The following NAALADL2 variants were observed in gnomAD, a reference collection of about 807,000 sequenced individuals.
The protein encoded by NAALADL2 is N-acetylated alpha-linked acidic dipeptidase like 2, also known as inactive N-acetylated-alpha-linked acidic dipeptidase-like protein 2.
NAALADL2 carries 76 observed loss-of-function variants against 87.2 expected under a neutral mutation model. That is an observed-to-expected ratio of 0.87 (90% confidence interval 0.72 to 1.05). The LOEUF (loss-of-function observed/expected upper bound fraction) is 1.05, where lower values mean the gene tolerates loss of function less well. Ranked by LOEUF, NAALADL2 falls within the 50% of genes least tolerant of loss-of-function variation. The probability of loss-of-function intolerance (pLI) is 0.00; values close to 1 mark genes in which losing one functional copy is unlikely to be tolerated. For synonymous variants in NAALADL2, 354 were observed against 331.0 expected (o/e 1.07, Z -0.75); for missense variants, 1,089 against 945.8 (o/e 1.15, Z -1.99).
chr3:174,967,329 T>C (rs1440855794), intron 1 of NAALADL2, among the ~76,000 whole-genome samples: 1 of 148,492 alleles, frequency 6.7e-6, no homozygotes, highest in African/African-American at 2.5e-5. Context: ...GCCATTACTA[T>C]GCAAGTGTAG....
intron 3 of NAALADL2, among the ~76,000 whole-genome samples, chr3:175,251,396 C>T (rs977392487): frequency 6.6e-6 from 1 of 152,146 alleles, no homozygotes; most frequent in African/African-American, 2.4e-5. Context: ...GGAACTAAGT[C>T]GCACGTCTCA....
intron 1 of NAALADL2, among the ~76,000 whole-genome samples, chr3:174,981,460 GTAGCA>G (rs1745099366): frequency 6.6e-6 from 1 of 152,106 alleles, no homozygotes; most frequent in African/African-American, 2.4e-5. Context: ...ATGTTTTCTG[GTAGCA>G]TACATGGGAA....
intron 3 of NAALADL2, among the ~76,000 whole-genome samples, chr3:174,741,116 G>A (rs543963570): frequency 1.3e-5 from 2 of 151,794 alleles, no homozygotes; most frequent in East Asian, 3.9e-4. Context: ...GTACATTTCT[G>A]AACCAATGGA....
chr3:175,057,935 A>G (rs1712568810), intron 1 of NAALADL2, among the ~76,000 whole-genome samples: 1 of 152,232 alleles, frequency 6.6e-6, no homozygotes, highest in South Asian at 2.1e-4. Context: ...GAGCTAGTCA[A>G]TAGAGTTTGT....
chr3:174,871,966 T>C (rs1481138302), intron 1 of NAALADL2, among the ~76,000 whole-genome samples: 2 of 152,118 alleles, frequency 1.3e-5, no homozygotes, highest in African/African-American at 4.8e-5. Context: ...AGTGCTACTC[T>C]TGACGATCTT....
At chr3:175,259,898 C>T (rs965731844) in intron 4 of NAALADL2, among the ~76,000 whole-genome samples, 7 of 151,842 alleles carry the variant, frequency 4.6e-5, no homozygotes, top group Admixed American at 6.6e-5. Flanking sequence ...TGTGGTGGTG[C>T]GCACCTATAA....
intron 1 of NAALADL2, among the ~76,000 whole-genome samples, chr3:175,009,951 A>G (rs939458158): frequency 6.6e-6 from 1 of 152,100 alleles, no homozygotes; most frequent in Non-Finnish European, 1.5e-5. Context: ...ATCACGCTGA[A>G]GTAATTGACT....
intron 4 of NAALADL2, among the ~76,000 whole-genome samples, chr3:175,270,663 T>C (rs1752694924): frequency 6.6e-6 from 1 of 152,186 alleles, no homozygotes; most frequent in Non-Finnish European, 1.5e-5. Flanking sequence ...AAAATGTTTA[T>C]GAATATTTCA....
At chr3:174,873,806 G>A (rs1332782749) in intron 1 of NAALADL2, among the ~76,000 whole-genome samples, 2 of 151,174 alleles carry the variant, frequency 1.3e-5, no homozygotes, top group Non-Finnish European at 2.9e-5. Context: ...TATAATATTC[G>A]TGCATGCCAT....
intron 2 of NAALADL2, among the ~76,000 whole-genome samples, chr3:174,641,629 A>T (rs1723195543): frequency 6.6e-6 from 1 of 152,206 alleles, no homozygotes; most frequent in Non-Finnish European, 1.5e-5. Context: ...AGATCCTAAG[A>T]GTCAGTCTTC....
chr3:174,863,201 C>T (rs1421573208), intron 1 of NAALADL2, among the ~76,000 whole-genome samples: 1 of 152,106 alleles, frequency 6.6e-6, no homozygotes, highest in Non-Finnish European at 1.5e-5. Flanking sequence ...ACGTCTCTAA[C>T]CTGCTGCTCA....
At chr3:175,285,725 A>G (rs763568806) in intron 4 of NAALADL2, among the ~76,000 whole-genome samples, 2 of 152,124 alleles carry the variant, frequency 1.3e-5, no homozygotes, top group Non-Finnish European at 2.9e-5. Flanking sequence ...CGTGCTATCT[A>G]TATCTATATT....
rs1417271976 is a variant in NAALADL2, at chr3:175,781,706, TA to T, written c.2190-21298del. ...TAAAAAAAAATTAACATAACGCTTT[TA>T]TTTTTTTTATTTTTTTATTATACTT... On this transcript the variant is annotated intron_variant, in intron 13 of 13. Transcript: ENST00000454872. 1.8e-3 allele frequency among the ~76,000 whole-genome samples: 269 copies of T among 151,958 alleles called. 1 individual carries two copies. The highest frequency in any genetic ancestry group is 5.6e-3 in the African/African-American group (233 of 41,480).
chr3:174,671,245 G>T (rs1039390279), intron 2 of NAALADL2, among the ~76,000 whole-genome samples: 4 of 152,052 alleles, frequency 2.6e-5, no homozygotes, highest in African/African-American at 9.7e-5. Flanking sequence ...TTAATGAAGG[G>T]AATTTCCACA....
chr3:174,898,800 G>A (rs1372216192), intron 1 of NAALADL2, among the ~76,000 whole-genome samples: 1 of 152,052 alleles, frequency 6.6e-6, no homozygotes, highest in Non-Finnish European at 1.5e-5. Context: ...AATAAATCCT[G>A]GATGGTAAAA....
chr3:174,471,570 A>AT (rs1269711512), intron 1 of NAALADL2, among the ~76,000 whole-genome samples: 9 of 121,102 alleles, frequency 7.4e-5, no homozygotes, highest in African/African-American at 2.4e-4. Context: ...TGAGACTATC[A>AT]ATTTTTTTTA....
chr3:174,871,684 G>A lies in NAALADL2; in HGVS notation c.43+12234G>A, dbSNP rs3849519. On this transcript the variant is annotated intron_variant, in intron 1 of 13. Transcript: ENST00000454872. ...GAGGCCAAGGTGGGTGGATCACCTC[G>A]GGTCAGAAGTTCAAGGCCAGCCTGG... Among the ~76,000 whole-genome samples the A allele has an allele frequency of 9.2e-3, 1,405 of 152,170 alleles. 23 individuals are homozygous for A. The highest frequency in any genetic ancestry group is 0.033 in the African/African-American group (1,367 of 41,520).
chr3:175,204,444 T>C (rs2109188902), intron 2 of NAALADL2, among the ~76,000 whole-genome samples: 1 of 152,262 alleles, frequency 6.6e-6, no homozygotes, highest in East Asian at 1.9e-4. Context: ...CATATCTTAA[T>C]GTAATAAAAT....
rs562113142 is a variant in NAALADL2 at position 175,620,458 on chromosome 3, T to C, written c.1801-6833T>C. The stretch of plus-strand genomic sequence containing the variant: ...AGATCCCTAAGGGGTGTTACAGCTA[T>C]AGCTCGGGGAGTCCCGGGGTCTCGG... On this transcript the variant is annotated intron_variant, in intron 10 of 13. Transcript: ENST00000454872. Among the ~76,000 whole-genome samples the C allele has an allele frequency of 6.8e-4, 103 of 152,326 alleles. 1 individual carries two copies. The highest frequency in any genetic ancestry group is 1.1e-3 in the Admixed American group (17 of 15,294).
Sources: allele counts gnomAD v4.1 joint callset (sites outside exome capture counted in the v4.1 genomes callset), GRCh38; gene constraint gnomAD v4.1.1; transcripts MANE v1.5; gene names NCBI Gene and HGNC (gene_info 2026-07-23, HGNC 2026-07-21).